The following ERC1 variants were observed in gnomAD, a reference collection of about 807,000 sequenced individuals.
ERC1 encodes RAB6 interacting protein 2.
Under a neutral mutation model 132.0 loss-of-function variants are expected in ERC1, and 56 were observed. The observed-to-expected ratio is 0.42, with a 90% CI of 0.34 to 0.53. The LOEUF (loss-of-function observed/expected upper bound fraction) is 0.53, where lower values mean the gene tolerates loss of function less well. Among genes scored for constraint, ERC1 ranks in the 20% least tolerant of loss-of-function variants. ERC1 has a pLI of 0.03. For synonymous variants in ERC1, 478 were observed against 476.1 expected (o/e 1.00, Z -0.05); for missense variants, 1,202 against 1,349.9 (o/e 0.89, Z 1.72).
intron 15 of ERC1, among the ~76,000 whole-genome samples, chr12:1,363,271 A>G (rs2086309601): frequency 6.6e-6 from 1 of 152,212 alleles, no homozygotes; most frequent in Non-Finnish European, 1.5e-5. Flanking sequence ...GCTTTATAGC[A>G]GAGGTCTCAA....
At chr12:1,422,542 T>A (rs1009595799) in intron 17 of ERC1, among the ~76,000 whole-genome samples, 1 of 151,614 alleles carries the variant, frequency 6.6e-6, no homozygotes, top group Non-Finnish European at 1.5e-5. Flanking sequence ...TTTTTTTTTT[T>A]AATCACTAAA....
Position 1,490,326 on chromosome 12 carries a change from C to G in ERC1, c.*96C>G. 2.5e-6 allele frequency: 3 copies of G among 1,219,610 alleles called. No individual in the cohort carries two copies. Among genetic ancestry groups the G allele is most frequent in the Non-Finnish European group, 2.3e-6 (2 of 877,196 alleles). 75.5% of individuals were successfully genotyped at this position (1,219,610 alleles called of 1,614,324 possible). On this transcript the variant is annotated 3_prime_UTR_variant, in exon 19 of 19. Transcript: ENST00000360905. ...CCCGGAACCTTCTTGGCACCAAACACTACAAACTTCATCCCAACTTGCTCA... is the reference window on the plus strand; with the variant it reads ...CCCGGAACCTTCTTGGCACCAAACAGTACAAACTTCATCCCAACTTGCTCA...
chr12:1,387,959 A>G (rs1460863894), intron 16 of ERC1, among the ~76,000 whole-genome samples: 1 of 152,252 alleles, frequency 6.6e-6, no homozygotes, highest in African/African-American at 2.4e-5. Flanking sequence ...ATCTCTGCTT[A>G]ATCACTAGCA....
chr12:1,271,579 T>C (rs1210997167), intron 14 of ERC1, among the ~76,000 whole-genome samples: 1 of 152,222 alleles, frequency 6.6e-6, no homozygotes, highest in East Asian at 1.9e-4. Flanking sequence ...AGATGAGTTC[T>C]CGATATGTTG....
At chr12:1,272,671 C>G (rs1023190427) in intron 14 of ERC1, among the ~76,000 whole-genome samples, 1 of 151,968 alleles carries the variant, frequency 6.6e-6, no homozygotes, top group African/African-American at 2.4e-5. Context: ...TTGAGTAGGC[C>G]GGGCGCTGTG....
At chr12:1,342,082 T>C (rs2083953253) in intron 15 of ERC1, among the ~76,000 whole-genome samples, 1 of 151,898 alleles carries the variant, frequency 6.6e-6, no homozygotes, top group East Asian at 1.9e-4. Context: ...ACTATAATAA[T>C]ATAAAGGAAG....
intron 13 of ERC1, among the ~76,000 whole-genome samples, chr12:1,243,217 AAAG>A (rs1415588261): frequency 1.3e-5 from 2 of 152,056 alleles, no homozygotes; most frequent in Admixed American, 6.5e-5. Context: ...GAAAAAAAAA[AAAG>A]AAATCGAGAG....
intron 1 of ERC1, among the ~76,000 whole-genome samples, chr12:1,020,481 A>G (rs1368754029): frequency 1.3e-5 from 2 of 152,054 alleles, no homozygotes; most frequent in African/African-American, 4.8e-5. Context: ...AAAAGAAACA[A>G]ACATCTCAGA....
At chr12:1,105,603 C>T (rs982445510) in intron 4 of ERC1, among the ~76,000 whole-genome samples, 5 of 152,082 alleles carry the variant, frequency 3.3e-5, no homozygotes, top group Admixed American at 6.6e-5. Context: ...GTTATCCGCC[C>T]GCCTCGGCCT....
At chr12:999,488 CT>C (rs1961710310) in intron 1 of ERC1, among the ~76,000 whole-genome samples, 2 of 152,044 alleles carry the variant, frequency 1.3e-5, no homozygotes, top group Non-Finnish European at 2.9e-5. Flanking sequence ...TCTCCTCCAC[CT>C]TCCATTTTAC....
chr12:1,021,133 G>A (rs1966296422), intron 1 of ERC1, among the ~76,000 whole-genome samples: 1 of 151,968 alleles, frequency 6.6e-6, no homozygotes, highest in East Asian at 2.0e-4. Context: ...TAGAGACGGG[G>A]TTTCACCATG....
intron 14 of ERC1, among the ~76,000 whole-genome samples, chr12:1,275,270 C>T (rs2078184592): frequency 6.6e-6 from 1 of 151,926 alleles, no homozygotes; most frequent in Non-Finnish European, 1.5e-5. Context: ...GGTCGATCAC[C>T]TGAGGTCAGG....
At chr12:1,025,042 G>A (rs1966842771) in intron 1 of ERC1, among the ~76,000 whole-genome samples, 1 of 152,082 alleles carries the variant, frequency 6.6e-6, no homozygotes, top group South Asian at 2.1e-4. Flanking sequence ...TTTGAATCAG[G>A]GACTTGAGCA....
At chr12:1,101,145 A>G (rs192080178) in intron 3 of ERC1, among the ~76,000 whole-genome samples, 15 of 152,158 alleles carry the variant, frequency 9.9e-5, no homozygotes, top group Admixed American at 5.2e-4. Flanking sequence ...ATTAAACTCT[A>G]TTTTTCCTAT....
intron 12 of ERC1, among the ~76,000 whole-genome samples, chr12:1,199,558 G>T (rs1956703317): frequency 6.6e-6 from 1 of 152,142 alleles, no homozygotes; most frequent in Non-Finnish European, 1.5e-5. Flanking sequence ...ATCACCTGAG[G>T]TCAGGAGTTC....
Position 1,161,793 on chromosome 12 carries a change from G to A in ERC1, c.1738-18747G>A, listed in dbSNP as rs1258680587. Among the ~76,000 whole-genome samples, 3 of 152,172 alleles carry A rather than the reference G, an allele frequency of 2.0e-5. No individual in the cohort carries two copies. In the East Asian group the frequency reaches 5.8e-4, roughly 29 times the overall value. On this transcript the variant is annotated intron_variant, in intron 8 of 18. Transcript: ENST00000360905. ...ATTCAGACACTTGTTCCCTAAGGAAGAAGAATATGGTAACACTACATTTAT... is the reference window on the plus strand; with the variant it reads ...ATTCAGACACTTGTTCCCTAAGGAAAAAGAATATGGTAACACTACATTTAT...
At position 1,181,960 on chromosome 12, in the gene ERC1, C is replaced by T; in HGVS notation, c.1911C>T (p.Asp637=). 1.2e-6 allele frequency: 2 copies of T among 1,613,856 alleles called. No individual in the cohort carries two copies. The highest frequency in any genetic ancestry group is 1.7e-6 in the Non-Finnish European group (2 of 1,179,904). ...TTGAACGCTTAAAGGAGCAGAGGGACAGAGATGAGCGAGAGAAGCAAGAGG... is the reference window on the plus strand; with the variant it reads ...TTGAACGCTTAAAGGAGCAGAGGGATAGAGATGAGCGAGAGAAGCAAGAGG... ...RTIERLKEQR[D]RDEREKQEEI... The change falls in exon 10 of 19, where the codon GAC becomes GAT. Residue 637 remains aspartate, a synonymous_variant. Coordinates refer to ENST00000360905, the MANE Select transcript of ERC1 (RefSeq NM_178040.4).
At chr12:1,270,102 T>C (rs2077728277) in intron 14 of ERC1, among the ~76,000 whole-genome samples, 1 of 152,210 alleles carries the variant, frequency 6.6e-6, no homozygotes. Flanking sequence ...TTGAGTTATA[T>C]TGCTACAACA....
At chr12:1,451,932 A>T (rs2154416541) in intron 18 of ERC1, among the ~76,000 whole-genome samples, 1 of 152,320 alleles carries the variant, frequency 6.6e-6, no homozygotes, top group African/African-American at 2.4e-5. Context: ...TAAGAGACAC[A>T]CCAGGGTACA....
Sources: gnomAD v4.1 joint callset for allele counts (sites outside exome capture counted in the v4.1 genomes callset) on GRCh38, gnomAD v4.1.1 for gene constraint, MANE v1.5 for transcripts, NCBI Gene and HGNC (gene_info 2026-07-23, HGNC 2026-07-21) for gene names.